Variants in ABI1 observed in about 807,000 individuals in gnomAD.
The protein encoded by ABI1 is abl interactor 1.
Under a neutral mutation model 54.6 loss-of-function variants are expected in ABI1, and 14 were observed. The ratio of observed to expected loss-of-function variants is 0.26; its 90% CI spans 0.17 to 0.40. ABI1 has a LOEUF of 0.40. ABI1 is among the 10% of genes least tolerant of loss of function. The probability of loss-of-function intolerance (pLI) is 1.00; values close to 1 mark genes in which losing one functional copy is unlikely to be tolerated. For missense variants in ABI1, 443 were observed against 598.3 expected (o/e 0.74, Z 2.71); for synonymous variants, 194 against 209.3 (o/e 0.93, Z 0.63).
chr10:26,748,534 G>T lies in ABI1; in HGVS notation c.*36C>A. The T allele has an allele frequency of 6.7e-7, 1 of 1,488,306 alleles. No individual in the cohort carries two copies. The highest frequency in any genetic ancestry group is 9.2e-7 in the Non-Finnish European group (1 of 1,087,726). The allele number at this position is 1,488,306 out of a possible 1,614,324, so 92.2% of individuals were successfully genotyped here. The stretch of plus-strand genomic sequence containing the variant: ...ACCATAATAGTCCCACAGTATGACT[G>T]AGTAATAAGAATCTACTTCAAAAGA... On this transcript the variant is annotated 3_prime_UTR_variant, in exon 11 of 11. Transcript: ENST00000376140.
chr10:26,853,525 C>T (rs547068610), intron 1 of ABI1, among the ~76,000 whole-genome samples: 2 of 143,586 alleles, frequency 1.4e-5, no homozygotes, highest in East Asian at 2.1e-4. Flanking sequence ...TCAATTTTAC[C>T]TTACTTTTTT....
intron 3 of ABI1, among the ~76,000 whole-genome samples, chr10:26,774,569 G>A (rs891425112): frequency 1.9e-4 from 29 of 151,968 alleles, no homozygotes; most frequent in African/African-American, 7.0e-4. Context: ...CCCAAAAATC[G>A]AACCAGATTT....
chr10:26,791,390 C>A (rs148963897), intron 2 of ABI1, among the ~76,000 whole-genome samples: 2 of 152,214 alleles, frequency 1.3e-5, no homozygotes, highest in Non-Finnish European at 2.9e-5. Flanking sequence ...CAACACACCC[C>A]CATCTACTCA....
chr10:26,779,472 T>A (rs962609316), intron 2 of ABI1, among the ~76,000 whole-genome samples: 12 of 152,204 alleles, frequency 7.9e-5, no homozygotes, highest in Non-Finnish European at 1.8e-4. Context: ...CTAAGATTTG[T>A]CTAGAAGAGG....
At chr10:26,794,014 G>A (rs1040770691) in intron 2 of ABI1, among the ~76,000 whole-genome samples, 12 of 152,148 alleles carry the variant, frequency 7.9e-5, no homozygotes, top group African/African-American at 2.9e-4. Context: ...AGGCCAAGGT[G>A]GGTGGATCAC....
intron 7 of ABI1, among the ~76,000 whole-genome samples, chr10:26,760,627 T>C (rs970042748): frequency 1.2e-4 from 18 of 152,142 alleles, no homozygotes; most frequent in African/African-American, 3.4e-4. Context: ...CAGTGGCTCA[T>C]GCCTGTAATC....
intron 1 of ABI1, among the ~76,000 whole-genome samples, chr10:26,830,359 T>C (rs992445808): frequency 6.6e-6 from 1 of 152,154 alleles, no homozygotes; most frequent in Non-Finnish European, 1.5e-5. Context: ...TGGGGGCTCA[T>C]GACTGTAATC....
At chr10:26,749,734 T>C (rs1246656507) in intron 10 of ABI1, among the ~76,000 whole-genome samples, 1 of 152,208 alleles carries the variant, frequency 6.6e-6, no homozygotes, top group African/African-American at 2.4e-5. Context: ...ATGTATAAAA[T>C]GGCCCATGGA....
At chr10:26,833,683 C>T (rs1188469352) in intron 1 of ABI1, among the ~76,000 whole-genome samples, 1 of 151,880 alleles carries the variant, frequency 6.6e-6, no homozygotes, top group African/African-American at 2.4e-5. Flanking sequence ...TAGCAAGAGC[C>T]ATGATGATCA....
chr10:26,804,328 A>C (rs2046748958), intron 2 of ABI1, among the ~76,000 whole-genome samples: 1 of 151,868 alleles, frequency 6.6e-6, no homozygotes, highest in South Asian at 2.1e-4. Context: ...GGTTGCAGTG[A>C]GCTTAGATCG....
At chr10:26,778,971 G>A (rs1237277721) in intron 2 of ABI1, among the ~76,000 whole-genome samples, 3 of 152,144 alleles carry the variant, frequency 2.0e-5, no homozygotes, top group African/African-American at 7.2e-5. Context: ...TAGCACAAAT[G>A]CCGACACTCT....
chr10:26,754,407 A>G (rs1269790367), intron 9 of ABI1, among the ~76,000 whole-genome samples: 3 of 152,204 alleles, frequency 2.0e-5, no homozygotes, highest in Non-Finnish European at 4.4e-5. Context: ...AGGGTTTTCA[A>G]ACACATATTA....
At chr10:26,826,980 C>A (rs1285273295) in intron 1 of ABI1, among the ~76,000 whole-genome samples, 1 of 151,572 alleles carries the variant, frequency 6.6e-6, no homozygotes, top group Non-Finnish European at 1.5e-5. Context: ...GTGGCACAAT[C>A]TTGGCTTACT....
intron 6 of ABI1, among the ~76,000 whole-genome samples, chr10:26,766,184 T>C (rs910674589): frequency 4.6e-5 from 7 of 152,100 alleles, no homozygotes; most frequent in African/African-American, 7.2e-5. Context: ...AGAAAGACAA[T>C]AGTGAAGTTT....
intron 1 of ABI1, among the ~76,000 whole-genome samples, chr10:26,827,772 T>C (rs7923125): frequency 0.062 from 9,367 of 152,194 alleles, 430 homozygotes; most frequent in East Asian, 0.19. Context: ...TTTGTATTTT[T>C]AGTAGAGACA....
chr10:26,799,129 T>G (rs2046379848), intron 2 of ABI1, among the ~76,000 whole-genome samples: 3 of 152,120 alleles, frequency 2.0e-5, no homozygotes, highest in African/African-American at 7.2e-5. Flanking sequence ...GTGAATCCAG[T>G]TATATGATTT....
intron 2 of ABI1, among the ~76,000 whole-genome samples, chr10:26,783,830 G>C (rs1219199844): frequency 6.6e-6 from 1 of 152,166 alleles, no homozygotes; most frequent in African/African-American, 2.4e-5. Context: ...TTCCCCTAGA[G>C]TGGCTCATGT....
intron 10 of ABI1, among the ~76,000 whole-genome samples, chr10:26,749,566 C>T (rs1424709525): frequency 1.3e-5 from 2 of 152,148 alleles, no homozygotes; most frequent in Non-Finnish European, 2.9e-5. Context: ...GATTGTGACC[C>T]ATCACGTGAG....
intron 9 of ABI1, among the ~76,000 whole-genome samples, 183 bp downstream of exon 9, chr10:26,755,472 A>AG (rs1838183308): frequency 6.6e-6 from 1 of 152,218 alleles, no homozygotes; most frequent in African/African-American, 2.4e-5. Flanking sequence ...TATATGGGTC[A>AG]GTAACCATGC....
Sources: allele counts gnomAD v4.1 joint callset (sites outside exome capture counted in the v4.1 genomes callset), GRCh38; gene constraint gnomAD v4.1.1; transcripts MANE v1.5; gene names NCBI Gene and HGNC (gene_info 2026-07-23, HGNC 2026-07-21).